The following RFPL2 variants were observed in gnomAD, a reference collection of about 807,000 sequenced individuals.
RFPL2 encodes ret finger protein like 2, also known as ret finger protein-like 2.
Under a neutral mutation model 17.8 loss-of-function variants are expected in RFPL2, and 13 were observed. The observed-to-expected ratio is 0.73, with a 90% confidence interval of 0.47 to 1.16. RFPL2 has a LOEUF of 1.16. Among genes scored for constraint, RFPL2 ranks in the 50% most tolerant of loss-of-function variants. The probability of loss-of-function intolerance (pLI) is 0.00; values close to 1 mark genes in which losing one functional copy is unlikely to be tolerated. For synonymous variants in RFPL2, 189 were observed against 180.9 expected, an observed-to-expected ratio of 1.04 and a Z score of -0.36; for missense variants, 431 against 479.3, an observed-to-expected ratio of 0.90 and a Z score of 0.94.
Position 32,191,322 on chromosome 22 carries a change from T to A in RFPL2, c.587A>T (p.Asn196Ile). ...GTCGTCAGAAATGAGGAGGAAGTTGTTGGCTGTGTTGGCATCCAAGGTCAT... is the reference window on the plus strand; with the variant it reads ...GTCGTCAGAAATGAGGAGGAAGTTGATGGCTGTGTTGGCATCCAAGGTCAT... ...VDMTLDANTA[N>I]NFLLISDDLR... is the part of the protein sequence containing the mutation. The change falls in exon 5 of 5, where the codon AAC becomes ATC. Residue 196 changes from asparagine to isoleucine, a missense_variant. Transcript: ENST00000652607. 6.2e-7 allele frequency: 1 copy of A among 1,613,578 alleles called. No individual in the cohort carries two copies. Among genetic ancestry groups the A allele is most frequent in the Non-Finnish European group, 8.5e-7 (1 of 1,179,526 alleles).
At position 32,190,722 on chromosome 22, in the gene RFPL2, C is replaced by A; in HGVS notation, c.*50G>T. ...CGAAGTAGAGCGTTCCTAAGTCTAC[C>A]CACCCAAGTAATTTTCTTACCCTGT... On this transcript the variant is annotated 3_prime_UTR_variant, in exon 5 of 5. Coordinates refer to ENST00000652607, the MANE Select transcript of RFPL2 (RefSeq NM_001394555.1). The A allele has an allele frequency of 6.7e-7, 1 of 1,489,322 alleles. No individual in the cohort carries two copies. The allele number at this position is 1,489,322 out of a possible 1,614,324, so 92.3% of individuals were successfully genotyped here.
At chr22:32,197,564 C>A (rs941245922) in intron 2 of RFPL2, among the ~76,000 whole-genome samples, 3 of 152,166 alleles carry the variant, frequency 2.0e-5, no homozygotes, top group Non-Finnish European at 2.9e-5. Flanking sequence ...CCTGTCCCCC[C>A]ATCCCACGAC....
In RFPL2 at chr22:32,194,612, A is replaced by G. The variant is rs183372361; in HGVS notation, c.120-122T>C. 4.0e-6 allele frequency: 4 copies of G among 999,070 alleles called. No individual in the cohort carries two copies. The African/African-American group carries it at 5.0e-5, about 12-fold the overall frequency. The allele number at this position is 999,070 out of a possible 1,614,324, so 61.9% of individuals were successfully genotyped here. On this transcript the variant is annotated intron_variant, in intron 2 of 4. Coordinates refer to ENST00000652607, the MANE Select transcript of RFPL2 (RefSeq NM_001394555.1). ...TTCTTTCATATGAAGGTAAGATTAA[A>G]TTGCCTTTATATTAAATTAGGCTTA...
In RFPL2 at chr22:32,198,502, G is replaced by A. The variant is rs572516473; in HGVS notation, c.119+3831C>T. ...GGGGGCTGGGGAGGGGGGCGTAGGG[G>A]GTCCTAGGGAGTAGATTTTCTATGA... On this transcript the variant is annotated intron_variant, in intron 2 of 4. Transcript: ENST00000652607. Among the ~76,000 whole-genome samples the A allele has an allele frequency of 1.6e-3, 247 of 151,922 alleles. 2 individuals carry two copies. The highest frequency in any genetic ancestry group is 5.3e-3 in the African/African-American group (218 of 41,424).
At chr22:32,202,132 C>A (rs933788886) in intron 2 of RFPL2, among the ~76,000 whole-genome samples, 2 of 152,106 alleles carry the variant, frequency 1.3e-5, no homozygotes, top group Admixed American at 6.5e-5. Context: ...AACTACAAAG[C>A]CAGAGCTCAG....
intron 2 of RFPL2, among the ~76,000 whole-genome samples, chr22:32,200,756 C>T (rs529174078): frequency 1.6e-4 from 24 of 152,118 alleles, no homozygotes; most frequent in Non-Finnish European, 2.1e-4. Flanking sequence ...TGCTCCACTG[C>T]CCCTGACCCC....
At chr22:32,202,280 C>T in intron 2 of RFPL2, 53 bp downstream of exon 2, 9 of 1,551,556 alleles carry the variant, frequency 5.8e-6, no homozygotes, top group East Asian at 2.4e-5. Context: ...TCCTCTTTCC[C>T]TTATAAAGAC....
At chr22:32,191,594 T>C (rs1184005549) in intron 4 of RFPL2, among the ~76,000 whole-genome samples, 2 of 152,264 alleles carry the variant, frequency 1.3e-5, no homozygotes, top group African/African-American at 4.8e-5. Context: ...ATGTGTTTGC[T>C]TCATTGGCCT....
At chr22:32,193,999 C>T (rs2149526998) in intron 3 of RFPL2, among the ~76,000 whole-genome samples, 1 of 151,962 alleles carries the variant, frequency 6.6e-6, no homozygotes, top group Admixed American at 6.6e-5. Context: ...ACAGGAAGAC[C>T]CTGTCTCTAC....
Position 32,190,601 on chromosome 22 carries a change from A to G in RFPL2, c.*171T>C. On this transcript the variant is annotated 3_prime_UTR_variant, in exon 5 of 5. Coordinates refer to ENST00000652607, the MANE Select transcript of RFPL2 (RefSeq NM_001394555.1). ...CTCAATGAGTTTGATGGTGGCAATA[A>G]TTAATACTTAGGACTCTATAATCTA... The G allele has an allele frequency of 1.7e-6, 1 of 585,402 alleles. No homozygotes were observed. Among genetic ancestry groups the G allele is most frequent in the Non-Finnish European group, 2.7e-6 (1 of 370,260 alleles). 36.3% of individuals were successfully genotyped at this position (585,402 alleles called of 1,614,324 possible).
At chr22:32,198,948 G>A (rs1390265086) in intron 2 of RFPL2, among the ~76,000 whole-genome samples, 1 of 152,202 alleles carries the variant, frequency 6.6e-6, no homozygotes, top group Non-Finnish European at 1.5e-5. Flanking sequence ...GGGAAACTGA[G>A]GCCTCATCCC....
chr22:32,191,488 A>C (rs1922650487), intron 4 of RFPL2, 136 bp from the exon 5 acceptor site: 2 of 1,121,544 alleles, frequency 1.8e-6, no homozygotes, highest in Admixed American at 2.8e-5. Flanking sequence ...AAACTTCATG[A>C]GGTAACTTCC....
chr22:32,202,369 C>A lies in RFPL2; in HGVS notation c.83G>T (p.Trp28Leu). The A allele has an allele frequency of 6.2e-7, 1 of 1,605,524 alleles. No homozygotes were observed. Among genetic ancestry groups the A allele is most frequent in the Non-Finnish European group, 8.5e-7 (1 of 1,176,100 alleles). The change falls in exon 2 of 5, where the codon TGG (tryptophan) becomes TTG (leucine). Residue 28 changes from tryptophan (W) to leucine (L), a missense_variant. Trp to Leu is a moderately conservative substitution (Grantham distance 61). Transcript: ENST00000652607. Reference sequence around the variant, plus strand: ...TATCACCATCATGTCTGCAAAGTCCCAGTGGCCACACAATACAGCACATAG... The same window carrying A: ...TATCACCATCATGTCTGCAAAGTCCAAGTGGCCACACAATACAGCACATAG... ...ICLCAVLCGH[W>L]DFADMMVIRS...
chr22:32,197,388 C>CT (rs550170080), intron 2 of RFPL2, among the ~76,000 whole-genome samples: 23 of 148,594 alleles, frequency 1.5e-4, no homozygotes, highest in African/African-American at 4.2e-4. Flanking sequence ...AAGCCAAGTT[C>CT]TTTTTTTTTT....
chr22:32,192,937 ATCT>A lies in RFPL2; in HGVS notation c.518_520del (p.Lys173del). The A allele has an allele frequency of 1.9e-6, 3 of 1,614,044 alleles. No individual in the cohort carries two copies. Among genetic ancestry groups the A allele is most frequent in the East Asian group, 2.2e-5 (1 of 44,882 alleles). On this transcript the variant is annotated inframe_deletion, in exon 4 of 5. Coordinates refer to ENST00000652607, the MANE Select transcript of RFPL2 (RefSeq NM_001394555.1). ...CCGCATCCTTGGGTTCATCTGCAGAATCTTCTTCAGCTTGGGCTCCAGTTCCTT... is the reference window on the plus strand; with the variant it reads ...CCGCATCCTTGGGTTCATCTGCAGAATCTTCAGCTTGGGCTCCAGTTCCTT...
intron 1 of RFPL2, chr22:32,203,200 C>T: frequency 1.6e-6 from 1 of 640,802 alleles, no homozygotes; most frequent in Non-Finnish European, 1.9e-6. Flanking sequence ...CCACGGGCAG[C>T]GCAGCCCGGG....
intron 1 of RFPL2, among the ~76,000 whole-genome samples, 167 bp downstream of exon 1, chr22:32,204,540 C>T (rs1773563186): frequency 6.6e-6 from 1 of 152,182 alleles, no homozygotes; most frequent in Admixed American, 6.5e-5. Context: ...TCCCCCTCCC[C>T]GCCCCCTGCC....
intron 4 of RFPL2, among the ~76,000 whole-genome samples, chr22:32,192,337 T>C (rs1417447170): frequency 6.6e-6 from 1 of 152,226 alleles, no homozygotes; most frequent in Admixed American, 6.5e-5. Context: ...GGACCACTGT[T>C]GAAGCCCATG....
At chr22:32,194,651 A>T (rs575832984) in intron 2 of RFPL2, among the ~76,000 whole-genome samples, 161 bp from the exon 3 acceptor site, 1 of 152,354 alleles carries the variant, frequency 6.6e-6, no homozygotes, top group African/African-American at 2.4e-5. Context: ...TACTAACTTC[A>T]AAAGCTTATT....
Sources: allele counts gnomAD v4.1 joint callset (sites outside exome capture counted in the v4.1 genomes callset), GRCh38; gene constraint gnomAD v4.1.1; transcripts MANE v1.5; gene names NCBI Gene and HGNC (gene_info 2026-07-23, HGNC 2026-07-21).